The following CCDC171 variants were observed in gnomAD, a reference collection of about 807,000 sequenced individuals.
CCDC171 encodes the protein coiled-coil domain-containing protein 171.
Under a neutral mutation model 168.2 loss-of-function variants are expected in CCDC171, and 177 were observed. That is an observed-to-expected ratio of 1.05 (90% CI 0.93 to 1.19). CCDC171 has a LOEUF of 1.19. CCDC171 is among the 50% of genes most tolerant of loss of function. CCDC171 has a pLI of 0.00. For missense variants in CCDC171, 1,991 were observed against 1,539.0 expected, an observed-to-expected ratio of 1.29 and a Z score of -4.91; for synonymous variants, 687 against 540.8, an observed-to-expected ratio of 1.27 and a Z score of -3.75.
chr9:16,086,068 A>G, the CCDC171 span, among the ~76,000 whole-genome samples: 1 of 152,010 alleles, frequency 6.6e-6, no homozygotes, highest in Non-Finnish European at 1.5e-5. Context: ...ACCGGCTGTG[A>G]GTCCGTCTGG....
chr9:15,567,750 C>G (rs1001791162), intron 2 of CCDC171, among the ~76,000 whole-genome samples: 2 of 151,780 alleles, frequency 1.3e-5, no homozygotes, highest in Admixed American at 1.3e-4. Context: ...AACTCCTGAG[C>G]TCAAGTGACC....
intron 1 of CCDC171, among the ~76,000 whole-genome samples, chr9:15,557,817 G>C (rs550085418): frequency 6.6e-6 from 1 of 152,076 alleles, no homozygotes; most frequent in Admixed American, 6.6e-5. Context: ...TCTTGTGCCA[G>C]TTTTCAAAGG....
intron 21 of CCDC171, among the ~76,000 whole-genome samples, chr9:15,814,327 G>C (rs761555292): frequency 6.6e-6 from 1 of 152,050 alleles, no homozygotes; most frequent in Non-Finnish European, 1.5e-5. Context: ...TTTCATGTTT[G>C]TTTCATCTGT....
chr9:15,911,654 C>A (rs146682782), intron 24 of CCDC171, among the ~76,000 whole-genome samples: 1 of 151,992 alleles, frequency 6.6e-6, no homozygotes, highest in Admixed American at 6.6e-5. Flanking sequence ...TGCCTAGGTT[C>A]TCTTGTTGGA....
chr9:15,700,367 A>G (rs898679480), intron 11 of CCDC171, among the ~76,000 whole-genome samples: 7 of 152,288 alleles, frequency 4.6e-5, no homozygotes, highest in African/African-American at 1.2e-4. Flanking sequence ...GCCCACCCGG[A>G]ACTCCAGCTG....
intron 18 of CCDC171, among the ~76,000 whole-genome samples, chr9:15,756,495 C>G (rs2056124523): frequency 6.6e-6 from 1 of 152,106 alleles, no homozygotes; most frequent in Non-Finnish European, 1.5e-5. Flanking sequence ...AGGTAGTGAG[C>G]ATAGTACCCA....
chr9:15,963,406 G>A (rs1473984470), intron 25 of CCDC171, among the ~76,000 whole-genome samples: 1 of 152,132 alleles, frequency 6.6e-6, no homozygotes, highest in Non-Finnish European at 1.5e-5. Context: ...GAACATACCT[G>A]CATGCTCACC....
chr9:15,684,293 A>T (rs531316062), intron 10 of CCDC171, among the ~76,000 whole-genome samples: 72 of 152,260 alleles, frequency 4.7e-4, no homozygotes, highest in African/African-American at 1.7e-3. Context: ...TATAAGAACT[A>T]TATATTAGTT....
chr9:15,944,614 CAA>C (rs1406809481), intron 25 of CCDC171, among the ~76,000 whole-genome samples: 1 of 151,954 alleles, frequency 6.6e-6, no homozygotes, highest in Non-Finnish European at 1.5e-5. Context: ...CAGTTCAGCT[CAA>C]GAGCCCATTC....
chr9:15,745,210 C>T (rs1227672009), intron 17 of CCDC171, among the ~76,000 whole-genome samples: 1 of 152,016 alleles, frequency 6.6e-6, no homozygotes, highest in Non-Finnish European at 1.5e-5. Flanking sequence ...GTAAATTTTC[C>T]AGTTGTGTTT....
intron 18 of CCDC171, among the ~76,000 whole-genome samples, chr9:15,759,741 T>C (rs75175163): frequency 0.02 from 3,029 of 152,300 alleles, 161 homozygotes; most frequent in Admixed American, 0.12. Flanking sequence ...TTGCTTATGA[T>C]ACAGTGTCAT....
At chr9:16,016,340 C>T (rs1477103916) in intron 3 of CCDC171, among the ~76,000 whole-genome samples, 1 of 152,104 alleles carries the variant, frequency 6.6e-6, no homozygotes, top group African/African-American at 2.4e-5. Flanking sequence ...AGATTGCCTT[C>T]CCTCAGCCTC....
downstream of CCDC171, among the ~76,000 whole-genome samples, chr9:16,066,040 T>TA (rs746459217): frequency 3.5e-4 from 54 of 152,214 alleles, no homozygotes; most frequent in Non-Finnish European, 6.2e-4. Flanking sequence ...CCAATCTAGG[T>TA]CCTTTCCGTC....
chr9:15,793,336 G>GCA (rs1161751289), intron 21 of CCDC171, among the ~76,000 whole-genome samples: 1 of 151,876 alleles, frequency 6.6e-6, no homozygotes, highest in Non-Finnish European at 1.5e-5. Context: ...AGTCCTTAGA[G>GCA]ACCTACAAAG....
chr9:16,074,104 A>G, the CCDC171 span, among the ~76,000 whole-genome samples: 2 of 152,278 alleles, frequency 1.3e-5, no homozygotes, highest in South Asian at 2.1e-4. Context: ...CATTCTCCAT[A>G]TAAGAACTTT....
In CCDC171 at chr9:15,918,580, A is replaced by G. The variant is rs147753300; in HGVS notation, c.3601-1690A>G. ...TCACATACTTTTGAGATGCAGAGAT[A>G]TAGTTTGTATTAGTATTAGCTATAA... is the stretch of plus-strand genomic sequence containing the variant. On this transcript the variant is annotated intron_variant, in intron 24 of 25. Coordinates refer to ENST00000380701, the MANE Select transcript of CCDC171 (RefSeq NM_173550.4). Among the ~76,000 whole-genome samples, 479 of 151,866 alleles carry G rather than the reference A, an allele frequency of 3.2e-3. 2 individuals carry two copies. Among genetic ancestry groups the G allele is most frequent in the Non-Finnish European group, 4.7e-3 (320 of 67,686 alleles).
chr9:15,988,591 G>C (rs1156354065), intron 3 of CCDC171, among the ~76,000 whole-genome samples: 1 of 152,170 alleles, frequency 6.6e-6, no homozygotes. Flanking sequence ...GACAGTGGGT[G>C]CAGCACACCC....
intron 3 of CCDC171, among the ~76,000 whole-genome samples, chr9:16,000,035 A>G (rs1196118301): frequency 6.6e-6 from 1 of 152,202 alleles, no homozygotes; most frequent in Admixed American, 6.5e-5. Flanking sequence ...TATTTATGGC[A>G]AAAGCATAAT....
At chr9:15,792,636 T>C (rs1381040556) in intron 21 of CCDC171, among the ~76,000 whole-genome samples, 3 of 152,222 alleles carry the variant, frequency 2.0e-5, no homozygotes, top group East Asian at 3.9e-4. Flanking sequence ...CGGCAGAAAC[T>C]CTACAAGCCA....
Sources: gnomAD v4.1 joint callset for allele counts (sites outside exome capture counted in the v4.1 genomes callset) on GRCh38, gnomAD v4.1.1 for gene constraint, MANE v1.5 for transcripts, NCBI Gene and HGNC (gene_info 2026-07-23, HGNC 2026-07-21) for gene names.